Variants in LYN observed in about 807,000 individuals in gnomAD.
LYN encodes LYN proto-oncogene, Src family tyrosine kinase, also known as tyrosine-protein kinase Lyn.
A neutral mutation model predicts 65.0 loss-of-function variants in LYN; 12 were observed. The ratio of observed to expected loss-of-function variants is 0.18; its 90% CI spans 0.12 to 0.30. The LOEUF (loss-of-function observed/expected upper bound fraction) is 0.30, where lower values mean the gene tolerates loss of function less well. LYN is among the 10% of genes least tolerant of loss of function. The pLI, the probability that LYN is intolerant of heterozygous loss-of-function variation, is 1.00. For missense variants in LYN, 380 were observed against 623.2 expected (o/e 0.61, Z 4.16); for synonymous variants, 222 against 221.2 (o/e 1.00, Z -0.03).
At chr8:55,896,829 T>G (rs1210609633) in intron 1 of LYN, among the ~76,000 whole-genome samples, 1 of 152,034 alleles carries the variant, frequency 6.6e-6, no homozygotes, top group Admixed American at 6.6e-5. Flanking sequence ...ACCTCTGCCT[T>G]CCGGGTTCAA....
intron 8 of LYN, among the ~76,000 whole-genome samples, chr8:55,962,269 A>G (rs1285312923): frequency 1.3e-5 from 2 of 151,208 alleles, no homozygotes; most frequent in Admixed American, 6.6e-5. Context: ...TCTTCATCCT[A>G]TGTTGTGTTG....
intron 12 of LYN, among the ~76,000 whole-genome samples, chr8:56,002,269 A>G (rs1398542017): frequency 2.0e-5 from 3 of 151,992 alleles, no homozygotes; most frequent in African/African-American, 7.3e-5. Context: ...AATAAAAACA[A>G]TTAGCCAGGC....
chr8:55,983,733 C>T (rs899989092), intron 10 of LYN, among the ~76,000 whole-genome samples: 2 of 152,174 alleles, frequency 1.3e-5, no homozygotes, highest in Non-Finnish European at 2.9e-5. Context: ...CTCTGCTTTT[C>T]CTTCCCCCTC....
chr8:56,000,117 G>A lies in LYN; in HGVS notation c.1336+568G>A, dbSNP rs1808474358. On this transcript the variant is annotated intron_variant, in intron 12 of 12. Transcript: ENST00000519728. ...TCCACCACATACTAGAATGTTCCGG[G>A]CATGGTTGTTGGTGTCGAGATGAGG... Among the ~76,000 whole-genome samples the A allele has an allele frequency of 2.0e-5, 3 of 152,106 alleles. No individual in the cohort carries two copies. In the South Asian group the frequency reaches 6.2e-4, roughly 32 times the overall value.
chr8:55,933,221 A>C (rs889426977), intron 1 of LYN, among the ~76,000 whole-genome samples: 5 of 152,248 alleles, frequency 3.3e-5, no homozygotes, highest in Admixed American at 6.5e-5. Context: ...ATCCCATCTA[A>C]TATGACATTA....
chr8:55,925,904 G>A (rs573404457), intron 1 of LYN, among the ~76,000 whole-genome samples: 117 of 152,132 alleles, frequency 7.7e-4, no homozygotes, highest in Non-Finnish European at 1.5e-3. Context: ...GCATACAAGT[G>A]TTTATGTAAA....
chr8:55,950,031 C>T (rs541323899), intron 4 of LYN, among the ~76,000 whole-genome samples: 1 of 152,308 alleles, frequency 6.6e-6, no homozygotes, highest in East Asian at 1.9e-4. Context: ...AATATGTGGT[C>T]CTTTTTGACT....
intron 4 of LYN, among the ~76,000 whole-genome samples, chr8:55,948,539 G>A (rs1008401823): frequency 1.3e-5 from 2 of 152,226 alleles, no homozygotes; most frequent in African/African-American, 4.8e-5. Context: ...ACATGTGGCA[G>A]TGTCAGACCA....
At chr8:55,985,014 C>T (rs930632052) in intron 10 of LYN, among the ~76,000 whole-genome samples, 3 of 152,184 alleles carry the variant, frequency 2.0e-5, no homozygotes, top group East Asian at 1.9e-4. Flanking sequence ...AGGACTAGGG[C>T]CCTGAATAAG....
At chr8:55,982,466 A>AT (rs1375874403) in intron 10 of LYN, among the ~76,000 whole-genome samples, 1 of 152,124 alleles carries the variant, frequency 6.6e-6, no homozygotes, top group Admixed American at 6.5e-5. Flanking sequence ...GTGCTGAGGT[A>AT]TTTTTGATGC....
chr8:55,880,697 A>G (rs954892864), intron 1 of LYN, among the ~76,000 whole-genome samples: 1 of 151,998 alleles, frequency 6.6e-6, no homozygotes, highest in Admixed American at 6.5e-5. Flanking sequence ...GCTGGAACTC[A>G]CCCTCCCGCT....
intron 10 of LYN, among the ~76,000 whole-genome samples, chr8:55,995,238 C>T (rs1450138503): frequency 1.3e-5 from 2 of 152,208 alleles, no homozygotes; most frequent in African/African-American, 4.8e-5. Context: ...CTCAGGAGCT[C>T]TGCCTTCACC....
intron 1 of LYN, among the ~76,000 whole-genome samples, chr8:55,889,874 A>G (rs937875935): frequency 1.1e-4 from 16 of 152,266 alleles, no homozygotes; most frequent in African/African-American, 3.6e-4. Context: ...CAGAGTCCTC[A>G]TGTTTAAACC....
chr8:56,002,441 T>C (rs1028401476), intron 12 of LYN, among the ~76,000 whole-genome samples: 2 of 147,200 alleles, frequency 1.4e-5, no homozygotes, highest in African/African-American at 5.1e-5. Flanking sequence ...AAAAAAAGAA[T>C]AAAATAAAAT....
intron 9 of LYN, among the ~76,000 whole-genome samples, chr8:55,968,408 A>G (rs952946545): frequency 6.6e-6 from 1 of 152,120 alleles, no homozygotes. Context: ...GGTGCCTGCC[A>G]CCATGCCTGG....
At chr8:55,886,746 C>T (rs963764780) in intron 1 of LYN, among the ~76,000 whole-genome samples, 2 of 152,166 alleles carry the variant, frequency 1.3e-5, no homozygotes. Flanking sequence ...TTTGTTTGTT[C>T]TGATGCATAA....
chr8:55,895,920 C>G (rs1431101043), intron 1 of LYN, among the ~76,000 whole-genome samples: 1 of 152,076 alleles, frequency 6.6e-6, no homozygotes, highest in African/African-American at 2.4e-5. Flanking sequence ...ACTCATGGTA[C>G]CCCTGGCCTG....
chr8:55,919,047 G>C (rs920084841), intron 1 of LYN, among the ~76,000 whole-genome samples: 4 of 111,656 alleles, frequency 3.6e-5, no homozygotes, highest in Non-Finnish European at 7.9e-5. Flanking sequence ...AAAAAAAAAA[G>C]TGATAGTAGT....
At chr8:55,950,858 C>T in intron 6 of LYN, 74 bp downstream of exon 6, 2 of 1,110,692 alleles carry the variant, frequency 1.8e-6, no homozygotes, top group East Asian at 4.7e-5. Flanking sequence ...TAGAGCTACT[C>T]AAGGGGAAAA....
Sources: allele counts gnomAD v4.1 joint callset (sites outside exome capture counted in the v4.1 genomes callset), GRCh38; gene constraint gnomAD v4.1.1; transcripts MANE v1.5; gene names NCBI Gene and HGNC (gene_info 2026-07-23, HGNC 2026-07-21).